Variants in SLC25A21 observed in about 807,000 individuals in gnomAD.
SLC25A21 encodes solute carrier family 25 member 21, also known as mitochondrial 2-oxodicarboxylate carrier.
A neutral mutation model predicts 43.8 loss-of-function variants in SLC25A21; 47 were observed. The observed-to-expected ratio is 1.07, with a 90% CI of 0.85 to 1.37. The LOEUF (loss-of-function observed/expected upper bound fraction) is 1.37, where lower values mean the gene tolerates loss of function less well. Ranked by LOEUF, SLC25A21 falls within the 40% of genes most tolerant of loss-of-function variation. The pLI, the probability that SLC25A21 is intolerant of heterozygous loss-of-function variation, is 0.00. For synonymous variants in SLC25A21, 131 were observed against 121.3 expected (o/e 1.08, Z -0.52); for missense variants, 352 against 350.2 (o/e 1.00, Z -0.04).
chr14:36,733,437 A>G (rs1161424772), intron 4 of SLC25A21, among the ~76,000 whole-genome samples: 1 of 152,228 alleles, frequency 6.6e-6, no homozygotes, highest in Non-Finnish European at 1.5e-5. Flanking sequence ...TTATAGAGAA[A>G]GTATGTTCTA....
At chr14:36,983,313 T>C (rs1960072269) in intron 1 of SLC25A21, among the ~76,000 whole-genome samples, 1 of 152,198 alleles carries the variant, frequency 6.6e-6, no homozygotes, top group Non-Finnish European at 1.5e-5. Flanking sequence ...GGAATCATAG[T>C]CTTTCTGTTA....
chr14:37,107,438 C>T (rs142978950), intron 1 of SLC25A21, among the ~76,000 whole-genome samples: 1 of 152,188 alleles, frequency 6.6e-6, no homozygotes. Context: ...CCTTCTCTCC[C>T]TCCCAAAGTG....
intron 1 of SLC25A21, among the ~76,000 whole-genome samples, chr14:37,159,916 C>G (rs529268861): frequency 1.3e-5 from 2 of 152,016 alleles, no homozygotes; most frequent in Non-Finnish European, 2.9e-5. Flanking sequence ...GCAAAGTACA[C>G]GAATAGACAT....
chr14:37,081,228 C>CATTAGGT, intron 1 of SLC25A21, among the ~76,000 whole-genome samples: 1 of 152,314 alleles, frequency 6.6e-6, no homozygotes, highest in East Asian at 1.9e-4. Flanking sequence ...TAAGTTAGAA[C>CATTAGGT]ACTTTTTAAA....
At chr14:36,772,207 C>A (rs909771660) in intron 3 of SLC25A21, among the ~76,000 whole-genome samples, 3 of 152,132 alleles carry the variant, frequency 2.0e-5, no homozygotes, top group African/African-American at 7.2e-5. Context: ...GCCTGGCACT[C>A]AGCAGCCATA....
chr14:36,795,137 T>C (rs1298487798), intron 3 of SLC25A21, among the ~76,000 whole-genome samples: 2 of 152,240 alleles, frequency 1.3e-5, no homozygotes, highest in Non-Finnish European at 2.9e-5. Flanking sequence ...TATAAATTGC[T>C]CTTTTTGTTA....
intron 1 of SLC25A21, among the ~76,000 whole-genome samples, chr14:36,973,736 T>G (rs2138689775): frequency 6.6e-6 from 1 of 152,316 alleles, no homozygotes; most frequent in Admixed American, 6.5e-5. Context: ...CCAGTTAGGT[T>G]GTAAAATGAG....
intron 1 of SLC25A21, among the ~76,000 whole-genome samples, chr14:37,155,690 T>C (rs1412582976): frequency 3.3e-5 from 5 of 152,136 alleles, no homozygotes; most frequent in African/African-American, 1.2e-4. Flanking sequence ...CACCCTAGAA[T>C]ACTATACCCA....
intron 3 of SLC25A21, among the ~76,000 whole-genome samples, chr14:36,790,016 A>C (rs933645229): frequency 7.2e-6 from 1 of 138,670 alleles, no homozygotes; most frequent in Non-Finnish European, 1.5e-5. Context: ...AGAGTACTTC[A>C]GCTAAATAGT....
intron 1 of SLC25A21, among the ~76,000 whole-genome samples, chr14:37,038,421 T>C (rs1961375185): frequency 6.6e-6 from 1 of 152,218 alleles, no homozygotes; most frequent in Non-Finnish European, 1.5e-5. Flanking sequence ...CTCAGGTTAT[T>C]ATTTGCCTTC....
At chr14:36,983,685 C>T (rs181032534) in intron 1 of SLC25A21, among the ~76,000 whole-genome samples, 1 of 152,112 alleles carries the variant, frequency 6.6e-6, no homozygotes, top group African/African-American at 2.4e-5. Flanking sequence ...CACCTGCACT[C>T]GAATGTTTAT....
intron 1 of SLC25A21, among the ~76,000 whole-genome samples, chr14:37,046,602 A>C (rs753093247): frequency 1.6e-4 from 25 of 152,246 alleles, no homozygotes; most frequent in Non-Finnish European, 3.4e-4. Flanking sequence ...TTTGCAATTA[A>C]TATCAAAGTG....
At chr14:36,908,953 G>A (rs546798815) in intron 1 of SLC25A21, among the ~76,000 whole-genome samples, 1 of 152,302 alleles carries the variant, frequency 6.6e-6, no homozygotes, top group South Asian at 2.1e-4. Context: ...GGTTTGGGGT[G>A]ATAGTTTACT....
chr14:36,744,333 A>C (rs531489882), intron 3 of SLC25A21, among the ~76,000 whole-genome samples: 13 of 152,302 alleles, frequency 8.5e-5, no homozygotes, highest in African/African-American at 1.2e-4. Flanking sequence ...TTAGCACAAA[A>C]ACAGACAGAT....
chr14:36,852,648 C>T lies in SLC25A21; in HGVS notation c.119+22308G>A, dbSNP rs190765759. ...TCATGTAATCAAAAATTCTTATTGG[C>T]GTGTGTGTATGTGTGAGTGTGTGTT... On this transcript the variant is annotated intron_variant, in intron 2 of 9. Transcript: ENST00000331299. Among the ~76,000 whole-genome samples the T allele has an allele frequency of 4.2e-3, 635 of 152,034 alleles. 6 individuals are homozygous for T. Among genetic ancestry groups the T allele is most frequent in the African/African-American group, 0.015 (603 of 41,470 alleles).
intron 7 of SLC25A21, among the ~76,000 whole-genome samples, chr14:36,694,556 A>T (rs756799349): frequency 2.0e-5 from 3 of 152,146 alleles, no homozygotes; most frequent in Non-Finnish European, 4.4e-5. Context: ...ATTTCTCCAC[A>T]TCCTTTCCAG....
chr14:36,739,982 C>G (rs1885188738), intron 3 of SLC25A21, among the ~76,000 whole-genome samples: 1 of 152,090 alleles, frequency 6.6e-6, no homozygotes, highest in African/African-American at 2.4e-5. Flanking sequence ...GATTTCCAGT[C>G]TAAGGCAAAG....
chr14:36,678,258 C>A lies in SLC25A21; in HGVS notation c.*2400G>T, dbSNP rs1882000694. 1.8e-6 allele frequency: 1 copy of A among 557,502 alleles called. No individual in the cohort carries two copies. The allele number at this position is 557,502 out of a possible 1,614,324, so 34.5% of individuals were successfully genotyped here. ...AAATCACTAGGATGTAAACAGTAAG[C>A]AGATTTCTGACACACAAATTATGTT... On this transcript the variant is annotated 3_prime_UTR_variant, in exon 10 of 10. Transcript: ENST00000331299.
rs75535939 is a variant in SLC25A21, at chr14:37,134,475, C to T, written c.70+37806G>A. Among the ~76,000 whole-genome samples, 2,436 of 151,886 alleles carry T rather than the reference C, an allele frequency of 0.016. 182 individuals carry two copies. The East Asian group carries it at 0.26, about 16-fold the overall frequency. On this transcript the variant is annotated intron_variant, in intron 1 of 9. Coordinates refer to ENST00000331299, the MANE Select transcript of SLC25A21 (RefSeq NM_030631.4). ...TCCTGATTCTTTAGATTTCAAGTTC[C>T]AGACTTGAAAGCTGACTGTTTCAGC...
Sources: allele counts gnomAD v4.1 joint callset (sites outside exome capture counted in the v4.1 genomes callset), GRCh38; gene constraint gnomAD v4.1.1; transcripts MANE v1.5; gene names NCBI Gene and HGNC (gene_info 2026-07-23, HGNC 2026-07-21).